Variants in RC3H1 observed in about 807,000 individuals in gnomAD.
RC3H1 encodes ring finger and CCCH-type domains 1.
RC3H1 carries 50 observed loss-of-function variants against 138.2 expected under a neutral mutation model. The ratio of observed to expected loss-of-function variants is 0.36; its 90% CI spans 0.29 to 0.46. The LOEUF (loss-of-function observed/expected upper bound fraction) is 0.46. Among genes scored for constraint, RC3H1 ranks in the 20% least tolerant of loss-of-function variants. The probability of loss-of-function intolerance (pLI) is 1.00; values close to 1 mark genes in which losing one functional copy is unlikely to be tolerated. For missense variants in RC3H1, 1,031 were observed against 1,388.1 expected, an observed-to-expected ratio of 0.74 and a Z score of 4.09; for synonymous variants, 462 against 489.1, an observed-to-expected ratio of 0.94 and a Z score of 0.73.
chr1:173,951,735 C>T (rs1004615873), intron 14 of RC3H1, among the ~76,000 whole-genome samples: 5 of 151,506 alleles, frequency 3.3e-5, no homozygotes, highest in Non-Finnish European at 7.4e-5. Context: ...GGGTTATAAA[C>T]AATTGTTGAG....
Position 173,970,634 on chromosome 1 carries a change from A to G in RC3H1, c.1222-17T>C, listed in dbSNP as rs763356659. 1 of 1,536,630 alleles carries G rather than the reference A, an allele frequency of 6.5e-7. No individual in the cohort carries two copies. Among genetic ancestry groups the G allele is most frequent in the East Asian group, 2.3e-5 (1 of 44,282 alleles). On this transcript the variant is annotated splice_polypyrimidine_tract_variant and intron_variant, in intron 8 of 19. Coordinates refer to ENST00000367696, the MANE Select transcript of RC3H1 (RefSeq NM_172071.4). The stretch of plus-strand genomic sequence containing the variant: ...CTGTGGAGGCTAAAACCAAAATCAA[A>G]ACATTAGATGTGTAATAACCCCCCA...
chr1:173,939,502 GC>G (rs1658742265), intron 19 of RC3H1, among the ~76,000 whole-genome samples: 1 of 126,012 alleles, frequency 7.9e-6, no homozygotes, highest in Non-Finnish European at 1.6e-5. Context: ...CTACACTCCA[GC>G]CTGGGTGACA....
rs757267204 is a variant in RC3H1 at position 173,946,298 on chromosome 1, AC to A, written c.2961+177del. ...TCTATTTTTAGGTAGCAGAAATTTT[AC>A]GTTTTCTGTTGTCCCAGAGCTAAAT... On this transcript the variant is annotated intron_variant, in intron 17 of 19. Coordinates refer to ENST00000367696, the MANE Select transcript of RC3H1 (RefSeq NM_172071.4). Among the ~76,000 whole-genome samples, 59 of 152,180 alleles carry A rather than the reference AC, an allele frequency of 3.9e-4. 1 individual carries two copies. The highest frequency in any genetic ancestry group is 1.6e-3 in the Admixed American group (24 of 15,282).
Position 174,014,922 on chromosome 1 carries a change from T to C in RC3H1, c.-151+7174A>G, listed in dbSNP as rs541133191. ...AATTACAAACATAATTTTCCCACAA[T>C]GAATTTTCCATCAGGAGCAATACTT... On this transcript the variant is annotated intron_variant, in intron 1 of 19. Transcript: ENST00000367696. Among the ~76,000 whole-genome samples the C allele has an allele frequency of 2.0e-5, 3 of 152,282 alleles. No homozygotes were observed. In the East Asian group the frequency reaches 5.8e-4, roughly 29 times the overall value.
In RC3H1 at chr1:173,946,592, A is replaced by G; in HGVS notation, c.2845T>C (p.Ser949Pro). Reference protein sequence around the residue: ...HFSERERISMSEVASHGKPLP... With the variant: ...HFSERERISMPEVASHGKPLP... ...GGTTTTCCATGACTGGCCACTTCTG[A>G]CATAGATATTCTCTCCCTTTGGTTA... Residue 949 changes from serine to proline, a missense_variant, in exon 17 of 20, where the codon TCA becomes CCA. By Grantham distance (74) the Ser-to-Pro change is moderately conservative (BLOSUM62 -1). Transcript: ENST00000367696. 1.2e-6 allele frequency: 2 copies of G among 1,614,076 alleles called. No individual in the cohort carries two copies. Among genetic ancestry groups the G allele is most frequent in the Non-Finnish European group, 8.5e-7 (1 of 1,179,962 alleles).
chr1:173,989,437 T>C (rs937081161), intron 2 of RC3H1, among the ~76,000 whole-genome samples: 4 of 152,194 alleles, frequency 2.6e-5, no homozygotes, highest in African/African-American at 7.2e-5. Context: ...GATCCATCCA[T>C]CTTGGCCTCC....
chr1:173,988,484 T>C (rs1571226955), intron 2 of RC3H1, among the ~76,000 whole-genome samples: 1 of 152,216 alleles, frequency 6.6e-6, no homozygotes, highest in African/African-American at 2.4e-5. Flanking sequence ...ATTCACCTAT[T>C]AAAAGATATC....
Position 173,951,868 on chromosome 1 carries a change from AGAATATGGTCT to A in RC3H1, c.2523+107_2523+117del, listed in dbSNP as rs1571178525. On this transcript the variant is annotated intron_variant, in intron 14 of 19. Transcript: ENST00000367696. ...TAAAGATAACTCAACTGCAGAGTAT[AGAATATGGTCT>A]GAAACTCTTAAGCAAAGCTGAATTA... 7 of 871,168 alleles carry A rather than the reference AGAATATGGTCT, an allele frequency of 8.0e-6. No homozygotes were observed. In the East Asian group the frequency reaches 2.0e-4, roughly 24 times the overall value. 54.0% of individuals were successfully genotyped at this position (871,168 alleles called of 1,614,324 possible).
At chr1:173,989,049 G>A (rs573457976) in intron 2 of RC3H1, among the ~76,000 whole-genome samples, 2 of 152,278 alleles carry the variant, frequency 1.3e-5, no homozygotes, top group African/African-American at 2.4e-5. Context: ...TTGTTTTTGA[G>A]ATAGGGTCTC....
At position 173,936,435 on chromosome 1, in the gene RC3H1, A is replaced by G. The variant is rs1361779165; in HGVS notation, c.*2286T>C. 1 of 139,620 alleles carries G rather than the reference A, an allele frequency of 7.2e-6. No homozygotes were observed. The highest frequency in any genetic ancestry group is 1.5e-5 in the Non-Finnish European group (1 of 66,578). 8.6% of individuals were successfully genotyped at this position (139,620 alleles called of 1,614,324 possible). A position where few individuals can be genotyped will look rare whatever the true frequency, so the allele number is the denominator to read the frequency against. ...AGGCTGAGGCAGGAGAATCGCTTGA[A>G]CCCGGGAGGTGGAGGTTGTAGCGAG... On this transcript the variant is annotated 3_prime_UTR_variant, in exon 20 of 20. Transcript: ENST00000367696.
chr1:174,012,793 A>AAAAAAAG (rs1557953811), intron 1 of RC3H1, among the ~76,000 whole-genome samples: 1 of 150,974 alleles, frequency 6.6e-6, no homozygotes, highest in African/African-American at 2.5e-5. Context: ...TCAAAAAAAA[A>AAAAAAAG]AAAAGAAAAG....
chr1:173,952,658 A>G (rs1053338214), intron 13 of RC3H1, among the ~76,000 whole-genome samples: 1 of 152,170 alleles, frequency 6.6e-6, no homozygotes, highest in South Asian at 2.1e-4. Flanking sequence ...GCAATAATTC[A>G]TATCTTGAAT....
chr1:173,946,623 A>G lies in RC3H1; in HGVS notation c.2829-15T>C. 1.2e-6 allele frequency: 2 copies of G among 1,612,414 alleles called. No homozygotes were observed. The highest frequency in any genetic ancestry group is 1.7e-6 in the Non-Finnish European group (2 of 1,179,384). ...ATATTCTCTCCCTTTGGTTAGAAAG[A>G]AAGTGTGAATCAAATTTTAACATTT... On this transcript the variant is annotated splice_polypyrimidine_tract_variant and intron_variant, in intron 16 of 19. Transcript: ENST00000367696.
intron 7 of RC3H1, among the ~76,000 whole-genome samples, chr1:173,975,270 A>G (rs1405877332): frequency 6.6e-6 from 1 of 151,916 alleles, no homozygotes; most frequent in Non-Finnish European, 1.5e-5. Context: ...TAGTTTTTGT[A>G]TTTTTAGTAG....
chr1:173,944,534 G>A (rs1046982070), intron 17 of RC3H1, among the ~76,000 whole-genome samples: 2 of 152,108 alleles, frequency 1.3e-5, no homozygotes, highest in African/African-American at 4.8e-5. Flanking sequence ...AAACCTGCAC[G>A]TTGTGCACAT....
intron 19 of RC3H1, among the ~76,000 whole-genome samples, chr1:173,939,545 A>G (rs866005708): frequency 8.3e-5 from 12 of 144,112 alleles, no homozygotes; most frequent in South Asian, 2.2e-4. Context: ...AAAAAAAAAA[A>G]AAAAAAAAAA....
intron 1 of RC3H1, among the ~76,000 whole-genome samples, chr1:174,014,352 T>C (rs1372216589): frequency 6.6e-6 from 1 of 151,622 alleles, no homozygotes; most frequent in African/African-American, 2.4e-5. Flanking sequence ...TTTCTGTAAA[T>C]CCAAAACTGT....
At position 173,947,579 on chromosome 1, in the gene RC3H1, C is replaced by T. The variant is rs749864169; in HGVS notation, c.2527G>A (p.Val843Met). Residue 843 changes from valine (V) to methionine (M), a missense_variant, in exon 15 of 20, where the codon GTG becomes ATG. Physicochemically the swap from Val to Met is conservative, Grantham distance 21. Transcript: ENST00000367696. Reference sequence around the variant, plus strand: ...TGGTCCCTCATTCCTTTACTCTCCACATTCTGATAAAAAAGCAAAATGAGA... The same window carrying T: ...TGGTCCCTCATTCCTTTACTCTCCATATTCTGATAAAAAAGCAAAATGAGA... ...VAAGSVEMMN[V>M]ESKGMRDQRL... 1.9e-6 allele frequency: 3 copies of T among 1,613,640 alleles called. No homozygotes were observed. The East Asian group carries it at 6.7e-5, about 36-fold the overall frequency.
rs532150248 is a variant in RC3H1, at chr1:173,942,604, G to A, written c.3135+838C>T. On this transcript the variant is annotated intron_variant, in intron 18 of 19. Transcript: ENST00000367696. ...TCCCAGCACTTTGGGAGGCTGAGGC[G>A]GGCGGATCACGAGGTCAGGAGATCG... 3.6e-3 allele frequency among the ~76,000 whole-genome samples: 546 copies of A among 151,772 alleles called. 4 individuals are homozygous for A. Among genetic ancestry groups the A allele is most frequent in the African/African-American group, 0.013 (527 of 41,400 alleles).
Sources: allele counts gnomAD v4.1 joint callset (sites outside exome capture counted in the v4.1 genomes callset), GRCh38; gene constraint gnomAD v4.1.1; transcripts MANE v1.5; gene names NCBI Gene and HGNC (gene_info 2026-07-23, HGNC 2026-07-21).